Variants in CSMD3 observed in about 807,000 individuals in gnomAD.
The protein encoded by CSMD3 is CUB and Sushi multiple domains 3, also known as CUB and sushi domain-containing protein 3.
A neutral mutation model predicts 435.2 loss-of-function variants in CSMD3; 177 were observed. That is an observed-to-expected ratio of 0.41 (90% confidence interval 0.36 to 0.46). The LOEUF is 0.46. Ranked by LOEUF, CSMD3 falls within the 20% of genes least tolerant of loss-of-function variation. CSMD3 has a pLI of 0.34. For synonymous variants in CSMD3, 1,656 were observed against 1,520.5 expected (o/e 1.09, Z -2.07); for missense variants, 4,265 against 4,504.6 (o/e 0.95, Z 1.52).
chr8:112,671,035 T>C (rs1214851501), intron 16 of CSMD3, among the ~76,000 whole-genome samples: 1 of 152,160 alleles, frequency 6.6e-6, no homozygotes, highest in African/African-American at 2.4e-5. Flanking sequence ...AATTATTTGT[T>C]TGGGTCTTCC....
intron 13 of CSMD3, among the ~76,000 whole-genome samples, chr8:112,692,579 A>G (rs1586983210): frequency 6.6e-6 from 1 of 152,218 alleles, no homozygotes; most frequent in East Asian, 1.9e-4. Context: ...AAGCCTGTTA[A>G]AGTTCCAAAT....
chr8:112,447,774 T>C (rs1815784564), intron 32 of CSMD3, among the ~76,000 whole-genome samples: 1 of 152,230 alleles, frequency 6.6e-6, no homozygotes, highest in Non-Finnish European at 1.5e-5. Flanking sequence ...GACTTATCTT[T>C]TGCTACCACA....
intron 1 of CSMD3, among the ~76,000 whole-genome samples, chr8:113,334,680 T>A (rs1022625436): frequency 1.3e-5 from 2 of 152,072 alleles, no homozygotes; most frequent in African/African-American, 4.8e-5. Context: ...AGCGAAACCA[T>A]CTGGGTCAGG....
At chr8:113,116,202 A>C (rs894215685) in intron 4 of CSMD3, among the ~76,000 whole-genome samples, 1 of 152,172 alleles carries the variant, frequency 6.6e-6, no homozygotes, top group African/African-American at 2.4e-5. Flanking sequence ...CTCATCTTGA[A>C]TTGTAGTTCC....
intron 1 of CSMD3, among the ~76,000 whole-genome samples, chr8:113,375,647 T>C (rs981064554): frequency 4.6e-5 from 7 of 151,900 alleles, no homozygotes; most frequent in Non-Finnish European, 8.8e-5. Flanking sequence ...CGTTGAAAAA[T>C]GATTATTCCC....
intron 7 of CSMD3, among the ~76,000 whole-genome samples, chr8:112,960,953 C>T (rs2084204982): frequency 6.6e-6 from 1 of 151,608 alleles, no homozygotes; most frequent in Admixed American, 6.6e-5. Flanking sequence ...AATTATGCCA[C>T]AATGCTCATT....
intron 61 of CSMD3, 30 bp downstream of exon 61, chr8:112,263,608 AG>A (rs2130379028): frequency 6.2e-7 from 1 of 1,601,990 alleles, no homozygotes; most frequent in African/African-American, 1.3e-5. Context: ...GAAAATTTTA[AG>A]TAACAGTTGT....
intron 38 of CSMD3, among the ~76,000 whole-genome samples, chr8:112,361,663 T>C (rs1361868175): frequency 2.1e-5 from 3 of 140,936 alleles, no homozygotes; most frequent in Admixed American, 7.4e-5. Flanking sequence ...GATTAACGCA[T>C]TGAGATACGA....
Position 112,506,706 on chromosome 8 carries a change from G to C in CSMD3, c.4880C>G (p.Ser1627Cys), listed in dbSNP as rs2130930651. Residue 1627 changes from serine (S) to cysteine (C), a missense_variant, in exon 29 of 71, where the codon TCC becomes TGC. Ser to Cys is a moderately radical substitution (Grantham distance 112). Coordinates refer to ENST00000297405, the MANE Select transcript of CSMD3 (RefSeq NM_198123.2). ...TITVNADYVI[S>C]LAFISFSIEP... is the part of the protein sequence containing the mutation. ...AAGAACTCACCTGATGAACGCCAAG[G>C]AGATAACATAGTCTGCATTGACGGT... The C allele has an allele frequency of 6.2e-7, 1 of 1,613,612 alleles. No homozygotes were observed. Among genetic ancestry groups the C allele is most frequent in the Non-Finnish European group, 8.5e-7 (1 of 1,179,620 alleles).
At chr8:112,997,825 A>C (rs1287928363) in intron 6 of CSMD3, among the ~76,000 whole-genome samples, 4 of 149,382 alleles carry the variant, frequency 2.7e-5, no homozygotes, top group Non-Finnish European at 5.9e-5. Context: ...CCAAAATTTT[A>C]ATTAAAATAT....
rs150089070 is a variant in CSMD3 at position 113,287,428 on chromosome 8, G to A, written c.402-8724C>T. 3.1e-4 allele frequency among the ~76,000 whole-genome samples: 47 copies of A among 152,104 alleles called. 1 individual carries two copies. The East Asian group carries it at 6.6e-3, about 21-fold the overall frequency. ...AATCATGCATATCCTATTGATATTGGAGTACATGAAGCACAGCACAATAAT... is the reference window on the plus strand; with the variant it reads ...AATCATGCATATCCTATTGATATTGAAGTACATGAAGCACAGCACAATAAT... On this transcript the variant is annotated intron_variant, in intron 2 of 70. Transcript: ENST00000297405.
chr8:113,140,576 T>G (rs2091524632), intron 4 of CSMD3, among the ~76,000 whole-genome samples: 1 of 151,008 alleles, frequency 6.6e-6, no homozygotes, highest in African/African-American at 2.4e-5. Flanking sequence ...AACTACAAAA[T>G]AATCAAACCG....
chr8:112,783,282 A>C (rs1416011944), intron 13 of CSMD3, among the ~76,000 whole-genome samples: 1 of 151,726 alleles, frequency 6.6e-6, no homozygotes, highest in Non-Finnish European at 1.5e-5. Context: ...ATGGGCTATA[A>C]GATATTATTT....
At chr8:113,169,162 A>G (rs1434107118) in intron 4 of CSMD3, among the ~76,000 whole-genome samples, 1 of 152,166 alleles carries the variant, frequency 6.6e-6, no homozygotes, top group East Asian at 1.9e-4. Context: ...ATGGTGACAA[A>G]TCAAGCTGCT....
chr8:112,510,816 T>C (rs1464656947), intron 28 of CSMD3, among the ~76,000 whole-genome samples: 1 of 152,226 alleles, frequency 6.6e-6, no homozygotes, highest in Non-Finnish European at 1.5e-5. Flanking sequence ...TGTCTATATT[T>C]TATTTATTCC....
intron 32 of CSMD3, among the ~76,000 whole-genome samples, chr8:112,463,884 C>A (rs1463357791): frequency 6.6e-6 from 1 of 152,068 alleles, no homozygotes; most frequent in Non-Finnish European, 1.5e-5. Flanking sequence ...AGAAGAGCTA[C>A]CATATGGTGT....
chr8:113,147,565 A>G (rs1564365510), intron 4 of CSMD3, among the ~76,000 whole-genome samples: 1 of 151,610 alleles, frequency 6.6e-6, no homozygotes, highest in Non-Finnish European at 1.5e-5. Flanking sequence ...TTCCCAGTCC[A>G]TATTTCAAAA....
chr8:113,309,620 T>A (rs554103410), intron 2 of CSMD3: 2 of 152,364 alleles, frequency 1.3e-5, no homozygotes, highest in South Asian at 4.1e-4. Flanking sequence ...CTCAGGAAAG[T>A]GAAGTTTATG....
At chr8:113,284,585 T>G (rs2093633239) in intron 2 of CSMD3, among the ~76,000 whole-genome samples, 1 of 152,144 alleles carries the variant, frequency 6.6e-6, no homozygotes, top group Non-Finnish European at 1.5e-5. Flanking sequence ...TTCGAAAACT[T>G]ATTTTAAGGT....
Sources: gnomAD v4.1 joint callset for allele counts (sites outside exome capture counted in the v4.1 genomes callset) on GRCh38, gnomAD v4.1.1 for gene constraint, MANE v1.5 for transcripts, NCBI Gene and HGNC (gene_info 2026-07-23, HGNC 2026-07-21) for gene names.